SOX5: variants seen among roughly 807,000 people sequenced by gnomAD.
SOX5 encodes SRY-box transcription factor 5.
SOX5 carries 9 observed loss-of-function variants against 92.0 expected under a neutral mutation model. The ratio of observed to expected loss-of-function variants is 0.10; its 90% CI spans 0.06 to 0.17. SOX5 has a LOEUF of 0.17. Ranked by LOEUF, SOX5 falls within the 10% of genes least tolerant of loss-of-function variation. SOX5 has a pLI of 1.00. For synonymous variants in SOX5, 344 were observed against 336.3 expected (o/e 1.02, Z -0.25); for missense variants, 642 against 944.5 (o/e 0.68, Z 4.20).
At chr12:24,099,842 T>C (rs1340481001) in intron 4 of SOX5, among the ~76,000 whole-genome samples, 1 of 152,164 alleles carries the variant, frequency 6.6e-6, no homozygotes, top group Non-Finnish European at 1.5e-5. Context: ...GCTGATGGGA[T>C]ACTCCCCAAT....
intron 8 of SOX5, among the ~76,000 whole-genome samples, chr12:23,619,012 C>T (rs2076882365): frequency 6.6e-6 from 1 of 152,122 alleles, no homozygotes; most frequent in Non-Finnish European, 1.5e-5. Flanking sequence ...GAAGAAACCA[C>T]AAAGTCACTT....
intron 4 of SOX5, among the ~76,000 whole-genome samples, chr12:24,114,223 C>G (rs1016312912): frequency 2.6e-5 from 4 of 151,862 alleles, no homozygotes; most frequent in African/African-American, 9.7e-5. Context: ...AAAAAAAGTC[C>G]TGGGAGAAGC....
chr12:23,702,787 T>G (rs950977052), intron 6 of SOX5, among the ~76,000 whole-genome samples: 1 of 151,872 alleles, frequency 6.6e-6, no homozygotes, highest in African/African-American at 2.4e-5. Context: ...TACACATGCA[T>G]GTATATATGT....
intron 3 of SOX5, among the ~76,000 whole-genome samples, chr12:23,822,812 T>C (rs1262228996): frequency 3.9e-5 from 6 of 152,202 alleles, no homozygotes; most frequent in Non-Finnish European, 5.9e-5. Context: ...TGCTCCTGTA[T>C]TGGGTGCACA....
At chr12:24,371,658 T>C (rs1348844393) in intron 1 of SOX5, among the ~76,000 whole-genome samples, 1 of 152,176 alleles carries the variant, frequency 6.6e-6, no homozygotes, top group Non-Finnish European at 1.5e-5. Flanking sequence ...CCACTCTGAA[T>C]AACGAATACA....
intron 4 of SOX5, among the ~76,000 whole-genome samples, chr12:24,069,059 A>G (rs914316408): frequency 3.9e-5 from 6 of 152,054 alleles, no homozygotes; most frequent in Non-Finnish European, 8.8e-5. Flanking sequence ...TTGCTTGCAT[A>G]ATCAGAAAAT....
At chr12:24,205,668 A>G (rs1211212334) in intron 4 of SOX5, among the ~76,000 whole-genome samples, 1 of 152,180 alleles carries the variant, frequency 6.6e-6, no homozygotes, top group African/African-American at 2.4e-5. Context: ...TTCTATATTA[A>G]TTTAAGGATT....
intron 2 of SOX5, among the ~76,000 whole-genome samples, chr12:24,322,674 C>T (rs1463428603): frequency 1.3e-5 from 2 of 152,016 alleles, no homozygotes; most frequent in Non-Finnish European, 2.9e-5. Context: ...ATACCTTTGA[C>T]AACAAGTTAA....
At chr12:24,201,052 T>C (rs962608632) in intron 4 of SOX5, among the ~76,000 whole-genome samples, 1 of 152,244 alleles carries the variant, frequency 6.6e-6, no homozygotes, top group African/African-American at 2.4e-5. Context: ...ATTCATAACA[T>C]GGTCAATAGG....
chr12:24,073,046 A>G (rs890416111), intron 4 of SOX5, among the ~76,000 whole-genome samples: 6 of 152,226 alleles, frequency 3.9e-5, no homozygotes, highest in African/African-American at 1.4e-4. Context: ...TTGCAAAACA[A>G]AGATTTTTTT....
chr12:23,912,014 A>G (rs2097357336), intron 1 of SOX5, among the ~76,000 whole-genome samples: 1 of 152,150 alleles, frequency 6.6e-6, no homozygotes, highest in African/African-American at 2.4e-5. Context: ...TGAAAAGGCA[A>G]TCCAAAGAAT....
intron 4 of SOX5, among the ~76,000 whole-genome samples, chr12:24,168,781 G>GA (rs1385503715): frequency 2.0e-5 from 3 of 152,104 alleles, no homozygotes; most frequent in African/African-American, 7.2e-5. Flanking sequence ...ACGGTGGGAG[G>GA]AAAATCTTAC....
chr12:23,572,162 T>C (rs1948471324), intron 10 of SOX5, among the ~76,000 whole-genome samples: 1 of 152,194 alleles, frequency 6.6e-6, no homozygotes, highest in South Asian at 2.1e-4. Flanking sequence ...AGTCACTTTC[T>C]ATATTTGTAG....
At chr12:24,444,766 A>G (rs1941211342) in intron 1 of SOX5, among the ~76,000 whole-genome samples, 1 of 152,184 alleles carries the variant, frequency 6.6e-6, no homozygotes, top group Non-Finnish European at 1.5e-5. Context: ...TCAGTTCAAG[A>G]CAGCTTGGAA....
chr12:23,807,254 C>T (rs1358924513), intron 3 of SOX5, among the ~76,000 whole-genome samples: 3 of 152,222 alleles, frequency 2.0e-5, no homozygotes, highest in East Asian at 1.9e-4. Flanking sequence ...CTGTGTCCCT[C>T]GAAGGATATG....
At chr12:24,502,350 G>A (rs1362698171) in intron 1 of SOX5, among the ~76,000 whole-genome samples, 5 of 152,072 alleles carry the variant, frequency 3.3e-5, no homozygotes, top group Non-Finnish European at 5.9e-5. Flanking sequence ...GGATATGGGC[G>A]TCAAACTGAA....
intron 4 of SOX5, among the ~76,000 whole-genome samples, chr12:23,978,984 T>G (rs1186793428): frequency 6.6e-6 from 1 of 152,184 alleles, no homozygotes; most frequent in African/African-American, 2.4e-5. Flanking sequence ...ATATTATACT[T>G]AAATGACAAT....
intron 2 of SOX5, among the ~76,000 whole-genome samples, chr12:24,347,435 C>T (rs1314787358): frequency 6.6e-6 from 1 of 152,072 alleles, no homozygotes; most frequent in Non-Finnish European, 1.5e-5. Flanking sequence ...TGTGCATTAC[C>T]TCACATGCTT....
chr12:24,543,052 T>A (rs1248538774), intron 1 of SOX5, among the ~76,000 whole-genome samples: 1 of 152,236 alleles, frequency 6.6e-6, no homozygotes, highest in African/African-American at 2.4e-5. Context: ...AAAGCACACA[T>A]GTTAAATATA....
Sources: gnomAD v4.1 joint callset for allele counts (sites outside exome capture counted in the v4.1 genomes callset) on GRCh38, gnomAD v4.1.1 for gene constraint, MANE v1.5 for transcripts, NCBI Gene and HGNC (gene_info 2026-07-23, HGNC 2026-07-21) for gene names.